The following SETBP1 variants were observed in gnomAD, a reference collection of about 807,000 sequenced individuals.
The protein encoded by SETBP1 is SET binding protein 1.
SETBP1 carries 9 observed loss-of-function variants against 101.0 expected under a neutral mutation model. The ratio of observed to expected loss-of-function variants is 0.09; its 90% CI spans 0.05 to 0.16. SETBP1 has a LOEUF of 0.16. SETBP1 is among the 10% of genes least tolerant of loss of function. The probability of loss-of-function intolerance (pLI) is 1.00; values close to 1 mark genes in which losing one functional copy is unlikely to be tolerated. For missense variants in SETBP1, 1,858 were observed against 2,033.8 expected (o/e 0.91, Z 1.66); for synonymous variants, 818 against 788.5 (o/e 1.04, Z -0.63).
intron 2 of SETBP1, among the ~76,000 whole-genome samples, chr18:44,855,361 A>T (rs2072954944): frequency 6.6e-6 from 1 of 152,108 alleles, no homozygotes; most frequent in South Asian, 2.1e-4. Flanking sequence ...ATAAATATTT[A>T]TGTAATGAAT....
chr18:45,022,249 T>G (rs891727452), intron 4 of SETBP1, among the ~76,000 whole-genome samples: 1 of 152,166 alleles, frequency 6.6e-6, no homozygotes, highest in African/African-American at 2.4e-5. Flanking sequence ...GAGCCCAGTC[T>G]TCTGTTATAT....
At chr18:44,918,341 T>TGACCTGGAGC (rs1455857585) in intron 3 of SETBP1, among the ~76,000 whole-genome samples, 1 of 152,094 alleles carries the variant, frequency 6.6e-6, no homozygotes, top group Admixed American at 6.5e-5. Context: ...TCAGCTGGAG[T>TGACCTGGAGC]GACCTGGAGC....
intron 2 of SETBP1, among the ~76,000 whole-genome samples, chr18:44,740,744 G>C (rs1432451372): frequency 6.6e-6 from 1 of 152,092 alleles, no homozygotes; most frequent in Non-Finnish European, 1.5e-5. Flanking sequence ...GTGTAGAATG[G>C]AGGGTGTGTA....
At chr18:44,901,130 T>C (rs1280420954) in intron 3 of SETBP1, among the ~76,000 whole-genome samples, 35 of 152,156 alleles carry the variant, frequency 2.3e-4, no homozygotes, top group Admixed American at 2.3e-3. Flanking sequence ...GGGCTAATAT[T>C]GTTAATTTAG....
intron 3 of SETBP1, among the ~76,000 whole-genome samples, chr18:44,928,388 A>G (rs991020405): frequency 1.1e-4 from 16 of 152,256 alleles, no homozygotes; most frequent in Middle Eastern, 3.2e-3. Context: ...CACAATAAAC[A>G]TACATGTGCA....
At chr18:44,783,293 A>C (rs1286969085) in intron 2 of SETBP1, among the ~76,000 whole-genome samples, 1 of 152,226 alleles carries the variant, frequency 6.6e-6, no homozygotes, top group Admixed American at 6.5e-5. Context: ...AGACTTGCTC[A>C]AAGTGCCACA....
chr18:44,829,097 A>T (rs1355758563), intron 2 of SETBP1, among the ~76,000 whole-genome samples: 1 of 152,232 alleles, frequency 6.6e-6, no homozygotes, highest in African/African-American at 2.4e-5. Flanking sequence ...TTTCCTTCCC[A>T]ATTCCCTAAG....
chr18:44,920,757 A>G (rs1380287299), intron 3 of SETBP1, among the ~76,000 whole-genome samples: 1 of 152,124 alleles, frequency 6.6e-6, no homozygotes, highest in African/African-American at 2.4e-5. Context: ...ACTTACTGGG[A>G]GTCTATGGAA....
At chr18:44,858,887 T>G (rs1024132233) in intron 2 of SETBP1, among the ~76,000 whole-genome samples, 3 of 152,216 alleles carry the variant, frequency 2.0e-5, no homozygotes, top group African/African-American at 7.2e-5. Context: ...AAGTAATAAT[T>G]GCCCACCTAT....
intron 2 of SETBP1, among the ~76,000 whole-genome samples, chr18:44,735,511 A>G (rs559724772): frequency 1.3e-5 from 2 of 152,188 alleles, no homozygotes; most frequent in Admixed American, 6.5e-5. Flanking sequence ...ATAAAAGTTC[A>G]ACTGAACAGA....
At chr18:44,824,433 C>T (rs1007090941) in intron 2 of SETBP1, among the ~76,000 whole-genome samples, 10 of 151,842 alleles carry the variant, frequency 6.6e-5, no homozygotes, top group Non-Finnish European at 1.3e-4. Context: ...ATATCTCACT[C>T]GATTCTATTC....
At chr18:44,802,431 A>G (rs2071626047) in intron 2 of SETBP1, among the ~76,000 whole-genome samples, 1 of 152,198 alleles carries the variant, frequency 6.6e-6, no homozygotes. Flanking sequence ...ATATACAACC[A>G]AAGAATAAGC....
intron 2 of SETBP1, among the ~76,000 whole-genome samples, chr18:44,833,602 G>T (rs371126446): frequency 1.3e-4 from 20 of 152,236 alleles, no homozygotes; most frequent in Non-Finnish European, 2.9e-4. Context: ...TCAAGACAGA[G>T]AGCAATGCCT....
At position 45,019,598 on chromosome 18, in the gene SETBP1, A is replaced by C. The variant is rs566826055; in HGVS notation, c.4001-18887A>C. ...GAAGCTTAATTCTCAGGTTCCTGTC[A>C]AACCTGACAGTTATTTTTTAGCTCT... On this transcript the variant is annotated intron_variant, in intron 4 of 5. Transcript: ENST00000649279. 8.3e-4 allele frequency among the ~76,000 whole-genome samples: 127 copies of C among 152,230 alleles called. 1 individual carries two copies. Among genetic ancestry groups the C allele is most frequent in the Non-Finnish European group, 2.4e-4 (16 of 68,020 alleles).
intron 2 of SETBP1, among the ~76,000 whole-genome samples, chr18:44,787,417 T>A (rs561198227): frequency 6.6e-6 from 1 of 152,148 alleles, no homozygotes. Flanking sequence ...AATACAAAAC[T>A]GAATGAACTA....
chr18:44,767,367 G>T (rs1004104996), intron 2 of SETBP1, among the ~76,000 whole-genome samples: 2 of 152,212 alleles, frequency 1.3e-5, no homozygotes, highest in Non-Finnish European at 2.9e-5. Flanking sequence ...GGACTCCACA[G>T]GTTATGTGGG....
At chr18:44,687,768 C>T (rs1283332715) in intron 1 of SETBP1, among the ~76,000 whole-genome samples, 1 of 151,852 alleles carries the variant, frequency 6.6e-6, no homozygotes, top group African/African-American at 2.4e-5. Context: ...GGATACTTCA[C>T]TCATGTCATG....
chr18:45,031,696 C>G (rs753641651), intron 4 of SETBP1, among the ~76,000 whole-genome samples: 14 of 152,158 alleles, frequency 9.2e-5, no homozygotes, highest in Non-Finnish European at 1.9e-4. Flanking sequence ...ATCTACCAAG[C>G]TAGGTGCCGG....
intron 2 of SETBP1, among the ~76,000 whole-genome samples, chr18:44,835,020 TC>T (rs1266652629): frequency 1.3e-5 from 2 of 151,994 alleles, no homozygotes; most frequent in Non-Finnish European, 2.9e-5. Context: ...GGGAGGGAGA[TC>T]TTTATCAGAG....
Sources: allele counts gnomAD v4.1 joint callset (sites outside exome capture counted in the v4.1 genomes callset), GRCh38; gene constraint gnomAD v4.1.1; transcripts MANE v1.5; gene names NCBI Gene and HGNC (gene_info 2026-07-23, HGNC 2026-07-21).